Variants in BNC2 observed in about 807,000 individuals in gnomAD.
The protein encoded by BNC2 is basonuclin zinc finger protein 2.
BNC2 carries 20 observed loss-of-function variants against 76.3 expected under a neutral mutation model. The ratio of observed to expected loss-of-function variants is 0.26; its 90% CI spans 0.18 to 0.38. The LOEUF (loss-of-function observed/expected upper bound fraction) is 0.38. BNC2 is among the 10% of genes least tolerant of loss of function. The pLI is 1.00. For missense variants in BNC2, 1,382 were observed against 1,399.8 expected (o/e 0.99, Z 0.20); for synonymous variants, 582 against 514.8 (o/e 1.13, Z -1.77).
chr9:16,579,552 G>A (rs755888207), intron 4 of BNC2, among the ~76,000 whole-genome samples: 1 of 151,988 alleles, frequency 6.6e-6, no homozygotes, highest in African/African-American at 2.4e-5. Context: ...CAAAGTGCTG[G>A]GAATACAGGC....
At chr9:16,850,014 C>T (rs146263763) in intron 1 of BNC2, among the ~76,000 whole-genome samples, 152 of 152,290 alleles carry the variant, frequency 1.0e-3, no homozygotes, top group African/African-American at 3.4e-3. Flanking sequence ...CCCCCACACA[C>T]AGATTTGCTC....
At chr9:16,454,784 A>G (rs185220095) in intron 5 of BNC2, among the ~76,000 whole-genome samples, 75 of 152,336 alleles carry the variant, frequency 4.9e-4, no homozygotes, top group African/African-American at 1.7e-3. Context: ...CACATTTGCA[A>G]ATGTAGATAT....
chr9:16,845,772 C>T lies in BNC2; in HGVS notation c.3+24874G>A, dbSNP rs930233299. On this transcript the variant is annotated intron_variant, in intron 1 of 6. Transcript: ENST00000380672. The stretch of plus-strand genomic sequence containing the variant: ...AATTATACCAAGAATCCAAACCCCA[C>T]GTTCCAGAACACAAAATGTTCAAGT... Among the ~76,000 whole-genome samples the T allele has an allele frequency of 5.3e-5, 8 of 152,096 alleles. 1 individual carries two copies. Among genetic ancestry groups the T allele is most frequent in the African/African-American group, 1.4e-4 (6 of 41,414 alleles).
At chr9:16,860,041 G>T (rs370635738) in intron 1 of BNC2, among the ~76,000 whole-genome samples, 8 of 151,914 alleles carry the variant, frequency 5.3e-5, no homozygotes, top group African/African-American at 1.7e-4. Context: ...GGAATTGCTT[G>T]AACCAGGGAG....
chr9:16,669,510 A>G (rs929662337), intron 3 of BNC2, among the ~76,000 whole-genome samples: 2 of 152,222 alleles, frequency 1.3e-5, no homozygotes, highest in Non-Finnish European at 2.9e-5. Context: ...ACATCTCACT[A>G]GACAGCAACT....
At chr9:16,614,927 G>C (rs1009913039) in intron 3 of BNC2, among the ~76,000 whole-genome samples, 33 of 133,426 alleles carry the variant, frequency 2.5e-4, no homozygotes, top group African/African-American at 8.5e-4. Context: ...CTGTATTCCA[G>C]CTTGGATGAC....
At chr9:16,835,997 C>T (rs1010685439) in intron 1 of BNC2, among the ~76,000 whole-genome samples, 19 of 152,288 alleles carry the variant, frequency 1.2e-4, no homozygotes, top group South Asian at 2.1e-4. Context: ...ATCTATTTCA[C>T]CCCACTCAGC....
intron 3 of BNC2, among the ~76,000 whole-genome samples, chr9:16,600,018 C>T (rs1820202232): frequency 6.6e-6 from 1 of 152,156 alleles, no homozygotes; most frequent in African/African-American, 2.4e-5. Context: ...GTATCACTCA[C>T]TCATATTTAA....
chr9:16,529,839 G>C (rs933671162), intron 5 of BNC2, among the ~76,000 whole-genome samples: 7 of 151,846 alleles, frequency 4.6e-5, no homozygotes, highest in Non-Finnish European at 8.8e-5. Flanking sequence ...CAAAACTGAG[G>C]TTTTAGTTTT....
intron 5 of BNC2, among the ~76,000 whole-genome samples, chr9:16,516,715 TAGG>T (rs1817454614): frequency 6.6e-6 from 1 of 152,152 alleles, no homozygotes; most frequent in South Asian, 2.1e-4. Context: ...TTAAGACTAA[TAGG>T]AGACTAATTA....
At chr9:16,523,588 G>A (rs1246028581) in intron 5 of BNC2, among the ~76,000 whole-genome samples, 1 of 151,452 alleles carries the variant, frequency 6.6e-6, no homozygotes, top group Non-Finnish European at 1.5e-5. Context: ...TGACTAAAGA[G>A]AAGAAAGGTA....
chr9:16,602,305 G>A (rs1432910371), intron 3 of BNC2, among the ~76,000 whole-genome samples: 1 of 152,108 alleles, frequency 6.6e-6, no homozygotes, highest in Non-Finnish European at 1.5e-5. Flanking sequence ...CTTATTTATT[G>A]TATTTACTAC....
chr9:16,502,553 C>T (rs895487296), intron 5 of BNC2, among the ~76,000 whole-genome samples: 5 of 149,282 alleles, frequency 3.3e-5, no homozygotes, highest in Non-Finnish European at 5.9e-5. Context: ...TGTCTTTTTT[C>T]CCCCCCTCTT....
intron 1 of BNC2, among the ~76,000 whole-genome samples, chr9:16,743,298 G>C (rs7857685): frequency 0.9 from 137,624 of 152,130 alleles, 62,277 homozygotes; most frequent in Non-Finnish European, 0.92. Context: ...AGGTTTAGAG[G>C]AGACTTTTTA....
chr9:16,430,429 A>G (rs758145937), intron 6 of BNC2, among the ~76,000 whole-genome samples: 6 of 152,200 alleles, frequency 3.9e-5, no homozygotes, highest in African/African-American at 1.4e-4. Flanking sequence ...TAAGTGGCTC[A>G]TTTCTTAGAG....
intron 3 of BNC2, among the ~76,000 whole-genome samples, chr9:16,668,139 C>T (rs57016069): frequency 0.049 from 7,492 of 152,216 alleles, 683 homozygotes; most frequent in African/African-American, 0.17. Flanking sequence ...TATTTTTATG[C>T]ACCTTGTTTT....
intron 5 of BNC2, among the ~76,000 whole-genome samples, chr9:16,511,610 G>C (rs1456750514): frequency 6.6e-6 from 1 of 151,266 alleles, no homozygotes; most frequent in East Asian, 2.0e-4. Context: ...GTATTTTTTT[G>C]TAGAGACGGG....
intron 1 of BNC2, among the ~76,000 whole-genome samples, chr9:16,803,052 G>A (rs927915469): frequency 6.6e-6 from 1 of 152,078 alleles, no homozygotes; most frequent in African/African-American, 2.4e-5. Context: ...ATCTACAAGT[G>A]AACCTCTAAA....
rs1819189889 is a variant in BNC2, at chr9:16,853,874, AT to A, written c.3+16771del. On this transcript the variant is annotated intron_variant, in intron 1 of 6. Transcript: ENST00000380672. ...TAGAGGGAGACTCTGTCTCAAAAAA[AT>A]AAAATAAAATAAAATTTGGAGTTCA... is the stretch of plus-strand genomic sequence containing the variant. 9.8e-5 allele frequency among the ~76,000 whole-genome samples: 15 copies of A among 152,338 alleles called. No individual in the cohort carries two copies. The South Asian group carries it at 2.7e-3, about 27-fold the overall frequency.
Sources: gnomAD v4.1 joint callset for allele counts (sites outside exome capture counted in the v4.1 genomes callset) on GRCh38, gnomAD v4.1.1 for gene constraint, MANE v1.5 for transcripts, NCBI Gene and HGNC (gene_info 2026-07-23, HGNC 2026-07-21) for gene names.